DLC1: variants seen among roughly 807,000 people sequenced by gnomAD.
The protein encoded by DLC1 is DLC1 Rho GTPase activating protein.
In DLC1, 54 loss-of-function variants were observed where a neutral mutation model predicts 140.3. That is an observed-to-expected ratio of 0.38 (90% CI 0.31 to 0.48). The LOEUF (loss-of-function observed/expected upper bound fraction) is 0.48, where lower values mean the gene tolerates loss of function less well. Ranked by LOEUF, DLC1 falls within the 20% of genes least tolerant of loss-of-function variation. The pLI, the probability that DLC1 is intolerant of heterozygous loss-of-function variation, is 0.96. For synonymous variants in DLC1, 986 were observed against 728.1 expected (o/e 1.35, Z -5.70); for missense variants, 2,536 against 1,907.0 (o/e 1.33, Z -6.14).
intron 2 of DLC1, among the ~76,000 whole-genome samples, chr8:13,416,922 C>T (rs1418756185): frequency 6.6e-6 from 1 of 151,984 alleles, no homozygotes; most frequent in Non-Finnish European, 1.5e-5. Flanking sequence ...TCCTTTATGC[C>T]CTCACATATT....
intron 6 of DLC1, among the ~76,000 whole-genome samples, chr8:13,112,706 TG>T (rs1475307053): frequency 6.6e-6 from 1 of 152,172 alleles, no homozygotes; most frequent in African/African-American, 2.4e-5. Flanking sequence ...TGCTTTTTTT[TG>T]TTTGTTTTCA....
chr8:13,348,990 G>C (rs996167148), intron 4 of DLC1, among the ~76,000 whole-genome samples: 4 of 152,162 alleles, frequency 2.6e-5, no homozygotes, highest in Admixed American at 2.6e-4. Flanking sequence ...CAGGCATAGG[G>C]AGATGAAAAG....
chr8:13,466,960 C>T (rs1454218796), intron 2 of DLC1, among the ~76,000 whole-genome samples: 2 of 9,066 alleles, frequency 2.2e-4, no homozygotes, highest in African/African-American at 2.9e-4. Flanking sequence ...AAAAAAAAAC[C>T]CCTCCACGTT....
intron 5 of DLC1, among the ~76,000 whole-genome samples, chr8:13,228,101 A>G (rs1344961031): frequency 6.6e-6 from 1 of 152,194 alleles, no homozygotes; most frequent in African/African-American, 2.4e-5. Flanking sequence ...AAATCTGTAT[A>G]TAAATGGGAA....
chr8:13,494,824 T>A (rs1825145), intron 2 of DLC1, among the ~76,000 whole-genome samples: 130,239 of 151,888 alleles, frequency 0.86, 56,637 homozygotes, highest in Non-Finnish European at 0.94. Context: ...GAGGGTGCAC[T>A]CCTGTAATCT....
chr8:13,434,162 C>A (rs375701747), intron 2 of DLC1, among the ~76,000 whole-genome samples: 1 of 152,200 alleles, frequency 6.6e-6, no homozygotes, highest in Non-Finnish European at 1.5e-5. Context: ...CAGGCGTGAG[C>A]CACTGCGCCC....
intron 1 of DLC1, 30 bp from the exon 2 acceptor site, chr8:13,500,226 C>T (rs1176050088): frequency 9.7e-6 from 6 of 616,360 alleles, no homozygotes; most frequent in East Asian, 5.5e-5. Flanking sequence ...AATATGTAGT[C>T]GCAGATACGT....
intron 2 of DLC1, among the ~76,000 whole-genome samples, chr8:13,408,038 G>A (rs1837639860): frequency 6.6e-6 from 1 of 152,110 alleles, no homozygotes; most frequent in African/African-American, 2.4e-5. Flanking sequence ...ACAGTAAGAA[G>A]CTAACGATAA....
intron 4 of DLC1, among the ~76,000 whole-genome samples, chr8:13,343,827 C>G (rs925473851): frequency 2.6e-5 from 4 of 152,144 alleles, no homozygotes; most frequent in South Asian, 2.1e-4. Context: ...ACAGTTGGCA[C>G]CTTTTCTGGC....
intron 2 of DLC1, among the ~76,000 whole-genome samples, chr8:13,477,441 C>G (rs1387499105): frequency 6.6e-6 from 1 of 152,136 alleles, no homozygotes; most frequent in Non-Finnish European, 1.5e-5. Flanking sequence ...TTCTATAAGA[C>G]TTTGCTATAG....
At chr8:13,594,522 G>C (rs771837227) in intron 1 of DLC1, among the ~76,000 whole-genome samples, 1 of 152,054 alleles carries the variant, frequency 6.6e-6, no homozygotes, top group Non-Finnish European at 1.5e-5. Flanking sequence ...CCACAAGTCT[G>C]GGCTTTGTAT....
intron 4 of DLC1, among the ~76,000 whole-genome samples, chr8:13,378,495 A>G (rs1011148462): frequency 6.6e-6 from 1 of 152,098 alleles, no homozygotes; most frequent in Non-Finnish European, 1.5e-5. Flanking sequence ...ATTCTTGTGC[A>G]CTATAAATTA....
At chr8:13,543,228 T>A (rs1386683977) in intron 1 of DLC1, among the ~76,000 whole-genome samples, 2 of 152,198 alleles carry the variant, frequency 1.3e-5, no homozygotes, top group Non-Finnish European at 2.9e-5. Flanking sequence ...AAGTAGGAAA[T>A]CTTTTTTTGT....
At chr8:13,092,519 C>T (rs1818157429) in intron 13 of DLC1, 93 bp downstream of exon 13, 2 of 1,397,924 alleles carry the variant, frequency 1.4e-6, no homozygotes, top group Admixed American at 2.0e-5. Context: ...TTGCTTGTTT[C>T]AGGAAAGAGT....
intron 5 of DLC1, chr8:13,276,412 C>A (rs1032523882): frequency 1.4e-6 from 2 of 1,461,152 alleles, no homozygotes; most frequent in Non-Finnish European, 1.8e-6. Context: ...CGCTCGCAGA[C>A]GCCTTCAGCG....
chr8:13,403,766 C>G (rs1485051367), intron 2 of DLC1, among the ~76,000 whole-genome samples: 2 of 148,574 alleles, frequency 1.3e-5, no homozygotes, highest in African/African-American at 5.0e-5. Flanking sequence ...CTCAGCCTCC[C>G]AAGTAGCTGG....
At chr8:13,599,873 T>C (rs987369181) in intron 1 of DLC1, among the ~76,000 whole-genome samples, 3 of 151,748 alleles carry the variant, frequency 2.0e-5, no homozygotes, top group Non-Finnish European at 4.4e-5. Flanking sequence ...AAATGTATAG[T>C]TGAGAAGGGA....
intron 5 of DLC1, among the ~76,000 whole-genome samples, chr8:13,300,085 T>C (rs752362227): frequency 2.6e-5 from 4 of 152,130 alleles, no homozygotes; most frequent in African/African-American, 9.7e-5. Context: ...ATATACACCA[T>C]GGAATACAAC....
At position 13,229,070 on chromosome 8, in the gene DLC1, A is replaced by C. The variant is rs573016133; in HGVS notation, c.1348+76199T>G. 2.6e-4 allele frequency among the ~76,000 whole-genome samples: 39 copies of C among 152,312 alleles called. No individual in the cohort carries two copies. In the South Asian group the frequency reaches 7.9e-3, roughly 31 times the overall value. On this transcript the variant is annotated intron_variant, in intron 5 of 17. Coordinates refer to ENST00000276297, the MANE Select transcript of DLC1 (RefSeq NM_182643.3). Reference sequence around the variant, plus strand: ...GCATTGCCATGTGACCCAGCAATCCACTTCTAGGTATATACCCAAGAGCAA... The same window carrying C: ...GCATTGCCATGTGACCCAGCAATCCCCTTCTAGGTATATACCCAAGAGCAA...
Sources: gnomAD v4.1 joint callset for allele counts (sites outside exome capture counted in the v4.1 genomes callset) on GRCh38, gnomAD v4.1.1 for gene constraint, MANE v1.5 for transcripts, NCBI Gene and HGNC (gene_info 2026-07-23, HGNC 2026-07-21) for gene names.